OSBPL10: variants seen among roughly 807,000 people sequenced by gnomAD.
OSBPL10 encodes the protein oxysterol-binding protein-related protein 10.
In OSBPL10, 49 loss-of-function variants were observed where a neutral mutation model predicts 81.7. The ratio of observed to expected loss-of-function variants is 0.60; its 90% CI spans 0.48 to 0.76. OSBPL10 has a LOEUF of 0.76. OSBPL10 is among the 30% of genes least tolerant of loss of function. The pLI, the probability that OSBPL10 is intolerant of heterozygous loss-of-function variation, is 0.00. For synonymous variants in OSBPL10, 419 were observed against 383.6 expected (o/e 1.09, Z -1.08); for missense variants, 923 against 987.8 (o/e 0.93, Z 0.88).
chr3:32,073,606 G>A lies in OSBPL10; in HGVS notation n.185+3790C>T, dbSNP rs1699851309. Among the ~76,000 whole-genome samples, 2 of 152,048 alleles carry A rather than the reference G, an allele frequency of 1.3e-5. 1 individual carries two copies. The highest frequency in any genetic ancestry group is 4.1e-4 in the South Asian group (2 of 4,820). On this transcript the variant is annotated intron_variant and non_coding_transcript_variant, in intron 1 of 3. Transcript: ENST00000479173. ...CCTAATACATCCCTTCATTTATTAG[G>A]TCTATCCATCCTTATGCTACTCTTT...
chr3:31,907,526 C>T (rs1696443364), intron 1 of OSBPL10, among the ~76,000 whole-genome samples: 1 of 137,668 alleles, frequency 7.3e-6, no homozygotes, highest in Non-Finnish European at 1.5e-5. Context: ...ACTTGGGAAG[C>T]TAAGGCAGGA....
chr3:32,062,261 C>T lies in OSBPL10; in HGVS notation n.185+15135G>A, dbSNP rs763825735. 1.7e-4 allele frequency among the ~76,000 whole-genome samples: 16 copies of T among 93,388 alleles called. 6 individuals are homozygous for T. Among genetic ancestry groups the T allele is most frequent in the Non-Finnish European group, 2.6e-4 (9 of 34,756 alleles). 61.3% of individuals were successfully genotyped at this position (93,388 alleles called of 152,430 possible). ...CTGGGAATACAGGCATGCACCATTA[C>T]ACCCAGCTAATTTTTGTATTTTTAG... On this transcript the variant is annotated intron_variant and non_coding_transcript_variant, in intron 1 of 3. Coordinates refer to the OSBPL10 transcript ENST00000479173.
In OSBPL10 at chr3:31,879,673, C is replaced by T; in HGVS notation, c.439G>A (p.Glu147Lys). The T allele has an allele frequency of 6.2e-7, 1 of 1,613,020 alleles. No individual in the cohort carries two copies. The highest frequency in any genetic ancestry group is 8.5e-7 in the Non-Finnish European group (1 of 1,179,680). ...HMLVVYSANG[E>K]MFKLRAADAK... is the part of the protein sequence containing the mutation. The stretch of plus-strand genomic sequence containing the variant: ...AACGCACCTCTCAGTTTAAACATCT[C>T]TCCATTAGCAGAGTACACCACCAGC... The change falls in exon 2 of 12, where the codon GAG becomes AAG. Residue 147 changes from glutamate to lysine, a missense_variant. Transcript: ENST00000396556.
chr3:31,733,030 A>AT lies in OSBPL10; in HGVS notation c.1095+226dup, dbSNP rs2125665688. 3.5e-6 allele frequency: 2 copies of AT among 579,488 alleles called. 1 individual carries two copies. The highest frequency in any genetic ancestry group is 4.5e-5 in the South Asian group (2 of 44,506). The allele number at this position is 579,488 out of a possible 1,614,324, so 35.9% of individuals were successfully genotyped here. A position where few individuals can be genotyped will look rare whatever the true frequency, so the allele number is the denominator to read the frequency against. ...ACTCCCATTTCAATGAAAATAGGAG[A>AT]TTCCTCATTCGTAGGATCACAATTC... is the stretch of plus-strand genomic sequence containing the variant. On this transcript the variant is annotated intron_variant, in intron 6 of 11. Coordinates refer to ENST00000396556, the MANE Select transcript of OSBPL10 (RefSeq NM_017784.5).
chr3:31,708,220 G>C (rs1696134436), intron 6 of OSBPL10, among the ~76,000 whole-genome samples: 1 of 152,280 alleles, frequency 6.6e-6, no homozygotes, highest in Admixed American at 6.5e-5. Context: ...TCACAGGCAT[G>C]AACCACTGCA....
chr3:31,689,327 G>T (rs1183507088), intron 7 of OSBPL10, among the ~76,000 whole-genome samples: 1 of 151,582 alleles, frequency 6.6e-6, no homozygotes, highest in Non-Finnish European at 1.5e-5. Context: ...GGCCATAAAG[G>T]ACATGATTGG....
intron 4 of OSBPL10, among the ~76,000 whole-genome samples, chr3:31,764,138 T>C (rs963089792): frequency 2.6e-5 from 4 of 152,238 alleles, no homozygotes; most frequent in African/African-American, 9.6e-5. Context: ...TAGAACTGCT[T>C]TCTACTCCTT....
chr3:32,020,997 C>T (rs1206090557), intron 2 of OSBPL10, among the ~76,000 whole-genome samples: 2 of 152,210 alleles, frequency 1.3e-5, no homozygotes, highest in African/African-American at 2.4e-5. Flanking sequence ...ATGGCTGCCT[C>T]TTGCTGTGTC....
chr3:31,663,108 C>T, intron 11 of OSBPL10: 1 of 985,452 alleles, frequency 1.0e-6, no homozygotes, highest in South Asian at 4.7e-5. Flanking sequence ...ACTCACTTCT[C>T]AGCCTCGTAT....
chr3:31,766,660 A>G (rs2125735543), intron 4 of OSBPL10, among the ~76,000 whole-genome samples: 1 of 152,256 alleles, frequency 6.6e-6, no homozygotes, highest in East Asian at 1.9e-4. Flanking sequence ...TCTGACATTC[A>G]TGAGCTATAA....
chr3:32,043,786 A>G (rs1699596503), intron 2 of OSBPL10, among the ~76,000 whole-genome samples: 1 of 152,248 alleles, frequency 6.6e-6, no homozygotes, highest in African/African-American at 2.4e-5. Flanking sequence ...GCTGGAGGCC[A>G]TTATCCTAAG....
intron 4 of OSBPL10, among the ~76,000 whole-genome samples, chr3:31,796,586 A>T (rs1699218334): frequency 6.6e-6 from 1 of 151,964 alleles, no homozygotes; most frequent in African/African-American, 2.4e-5. Context: ...CTCAACATCA[A>T]CTCTACTGAC....
At chr3:31,917,161 G>A (rs994125920) in intron 1 of OSBPL10, among the ~76,000 whole-genome samples, 3 of 152,040 alleles carry the variant, frequency 2.0e-5, no homozygotes, top group Non-Finnish European at 2.9e-5. Context: ...GCATCCCACC[G>A]GTGCCCACAC....
chr3:31,699,296 T>C (rs1695822353), intron 7 of OSBPL10, among the ~76,000 whole-genome samples: 1 of 152,186 alleles, frequency 6.6e-6, no homozygotes, highest in Non-Finnish European at 1.5e-5. Context: ...CCATAGGCTC[T>C]GCAGGACCTG....
intron 4 of OSBPL10, among the ~76,000 whole-genome samples, chr3:31,825,965 C>T (rs1017913548): frequency 5.9e-5 from 9 of 152,154 alleles, no homozygotes; most frequent in Non-Finnish European, 1.3e-4. Flanking sequence ...ACCGACATGA[C>T]TCTTATCTTA....
chr3:31,960,770 C>A (rs1698137452), intron 1 of OSBPL10, among the ~76,000 whole-genome samples: 1 of 152,164 alleles, frequency 6.6e-6, no homozygotes, highest in South Asian at 2.1e-4. Context: ...CAGCCATGTG[C>A]CATCTGTGCC....
intron 7 of OSBPL10, among the ~76,000 whole-genome samples, chr3:31,687,567 C>T (rs1700824013): frequency 6.6e-6 from 1 of 152,196 alleles, no homozygotes. Flanking sequence ...TAGTGCACTG[C>T]CCTGGTCCCA....
In OSBPL10 at chr3:31,683,660, G is replaced by C. The variant is rs1188254532; in HGVS notation, c.1700C>G (p.Ser567Cys). 1.2e-6 allele frequency: 2 copies of C among 1,613,296 alleles called. No homozygotes were observed. Among genetic ancestry groups the C allele is most frequent in the African/African-American group, 1.3e-5 (1 of 75,024 alleles). The change falls in exon 8 of 12, where the codon TCC (serine) becomes TGC (cysteine). Residue 567 changes from serine (S) to cysteine (C), a missense_variant. By Grantham distance (112) the Ser-to-Cys change is moderately radical. Around this residue, in one of 3 missense-constraint regions of OSBPL10, gnomAD observed 387 missense variants for 436.3 expected, o/e 0.89. Coordinates refer to ENST00000396556, the MANE Select transcript of OSBPL10 (RefSeq NM_017784.5). ...VWTKSKFMGMSVGVSMIGEGV... is the reference protein window; with the variant it reads ...VWTKSKFMGMCVGVSMIGEGV... Reference sequence around the variant, plus strand: ...TTCCCCTATCATAGAGACCCCCACGGACATGCCCATGAACTTGCTTTTGGT... The same window carrying C: ...TTCCCCTATCATAGAGACCCCCACGCACATGCCCATGAACTTGCTTTTGGT...
chr3:32,066,429 A>T (rs896584536), intron 1 of OSBPL10: 1 of 152,262 alleles, frequency 6.6e-6, no homozygotes, highest in Non-Finnish European at 1.5e-5. Flanking sequence ...CTCACATTGT[A>T]ATGGTCCCTA....
Sources: allele counts gnomAD v4.1 joint callset (sites outside exome capture counted in the v4.1 genomes callset), GRCh38; gene constraint gnomAD v4.1.1; regional missense constraint gnomAD v4.1.1; transcripts MANE v1.5; gene names NCBI Gene and HGNC (gene_info 2026-07-23, HGNC 2026-07-21).